ACSF3: variants seen among roughly 807,000 people sequenced by gnomAD.
ACSF3 encodes malonate--CoA ligase ACSF3, mitochondrial.
Under a neutral mutation model 53.2 loss-of-function variants are expected in ACSF3, and 78 were observed. That is an observed-to-expected ratio of 1.47 (90% CI 1.22 to 1.77). The LOEUF (loss-of-function observed/expected upper bound fraction) is 1.77. Among genes scored for constraint, ACSF3 ranks in the 40% most tolerant of loss-of-function variants. ACSF3 has a pLI of 0.00. For synonymous variants in ACSF3, 414 were observed against 333.1 expected (o/e 1.24, Z -2.65); for missense variants, 937 against 771.1 (o/e 1.22, Z -2.55).
chr16:89,154,966 G>T lies in ACSF3; in HGVS notation c.*759G>T, dbSNP rs1049721033. The T allele has an allele frequency of 2.2e-6, 1 of 453,700 alleles. No homozygotes were observed. The highest frequency in any genetic ancestry group is 2.0e-5 in the African/African-American group (1 of 49,894). 28.1% of individuals were successfully genotyped at this position (453,700 alleles called of 1,614,324 possible). A position where few individuals can be genotyped will look rare whatever the true frequency, so the allele number is the denominator to read the frequency against. Reference sequence around the variant, plus strand: ...CCGGTGAACCCTCTCTCCCATCACCGTCTCCACCCAGACCCCCACCTGCCC... The same window carrying T: ...CCGGTGAACCCTCTCTCCCATCACCTTCTCCACCCAGACCCCCACCTGCCC... On this transcript the variant is annotated 3_prime_UTR_variant, in exon 11 of 11. Coordinates refer to ENST00000614302, the MANE Select transcript of ACSF3 (RefSeq NM_001243279.3).
intron 10 of ACSF3, chr16:89,151,062 A>G: frequency 1.6e-6 from 2 of 1,288,728 alleles, no homozygotes; most frequent in Non-Finnish European, 2.0e-6. Context: ...GAGAGAAAAC[A>G]GCATTCTAAA....
intron 8 of ACSF3, among the ~76,000 whole-genome samples, chr16:89,136,231 G>A (rs1043181941): frequency 6.6e-6 from 1 of 152,242 alleles, no homozygotes; most frequent in Non-Finnish European, 1.5e-5. Flanking sequence ...GGAAACACTC[G>A]CAGTCGCCAG....
At chr16:89,117,703 G>T (rs1487103287) in intron 6 of ACSF3, among the ~76,000 whole-genome samples, 7 of 152,000 alleles carry the variant, frequency 4.6e-5, no homozygotes, top group African/African-American at 1.7e-4. Context: ...GCAGATAGTA[G>T]CCCAGAGACC....
At chr16:89,135,020 C>T (rs912827712) in intron 8 of ACSF3, among the ~76,000 whole-genome samples, 13 of 150,214 alleles carry the variant, frequency 8.7e-5, no homozygotes, top group Non-Finnish European at 7.4e-5. Context: ...AAGATGTGCA[C>T]GTTGCTCCTG....
At chr16:89,136,440 C>T in intron 8 of ACSF3, 1 of 1,104,242 alleles carries the variant, frequency 9.1e-7, no homozygotes, top group Non-Finnish European at 1.2e-6. Context: ...ATTAGCGATG[C>T]TGCTGCATAA....
chr16:89,128,941 C>G (rs1422242914), intron 7 of ACSF3, among the ~76,000 whole-genome samples: 3 of 150,166 alleles, frequency 2.0e-5, no homozygotes, highest in Non-Finnish European at 4.4e-5. Context: ...GCCTGAGCAA[C>G]ATAGTGAGAC....
rs1597282335 is a variant in ACSF3 at position 89,154,238 on chromosome 16, G to A, written c.*31G>A. 1.9e-6 allele frequency: 3 copies of A among 1,599,668 alleles called. No individual in the cohort carries two copies. Among genetic ancestry groups the A allele is most frequent in the East Asian group, 2.2e-5 (1 of 44,764 alleles). On this transcript the variant is annotated 3_prime_UTR_variant, in exon 11 of 11. Transcript: ENST00000614302. ...CAGACTGGGACTGCGGGTCTGGTGG[G>A]GAGCAGCAGACGTCCCCTTCACACC...
chr16:89,152,175 T>G (rs986409143), intron 10 of ACSF3: 5 of 152,258 alleles, frequency 3.3e-5, no homozygotes, highest in African/African-American at 1.2e-4. Flanking sequence ...GTTTGTCCCC[T>G]GTTAGAAACC....
At position 89,112,212 on chromosome 16, in the gene ACSF3, G is replaced by T; in HGVS notation, c.943G>T (p.Asp315Tyr). 6.2e-7 allele frequency: 1 copy of T among 1,614,208 alleles called. No individual in the cohort carries two copies. ...GCATTTTACCCAGCCGCACGCCCAG[G>T]ATTTCTTGCGTGCAGTTTGTGAAGA... ...DRHFTQPHAQ[D>Y]FLRAVCEEKI... Residue 315 changes from aspartate to tyrosine, a missense_variant, in exon 5 of 11, where the codon GAT becomes TAT. Coordinates refer to ENST00000614302, the MANE Select transcript of ACSF3 (RefSeq NM_001243279.3).
intron 9 of ACSF3, 76 bp downstream of exon 9, chr16:89,145,477 C>G: frequency 6.4e-7 from 1 of 1,564,808 alleles, no homozygotes; most frequent in Non-Finnish European, 8.7e-7. Flanking sequence ...TAGACGACTG[C>G]AGATGAGTCG....
At chr16:89,118,794 C>G (rs1019154839) in intron 6 of ACSF3, among the ~76,000 whole-genome samples, 3 of 152,104 alleles carry the variant, frequency 2.0e-5, no homozygotes, top group African/African-American at 7.3e-5. Flanking sequence ...GTCCCAGTCC[C>G]CAGTCAGAGT....
chr16:89,146,120 G>A, intron 10 of ACSF3, 71 bp downstream of exon 10: 2 of 1,121,168 alleles, frequency 1.8e-6, no homozygotes, highest in Middle Eastern at 2.4e-4. Context: ...GCCACCCTAG[G>A]TATTGGCATC....
At chr16:89,146,271 G>A (rs995030823) in intron 10 of ACSF3, among the ~76,000 whole-genome samples, 3 of 152,158 alleles carry the variant, frequency 2.0e-5, no homozygotes, top group Admixed American at 6.5e-5. Context: ...GCAATATTCC[G>A]AGGGGGCAGA....
intron 1 of ACSF3, among the ~76,000 whole-genome samples, chr16:89,094,708 C>T (rs1974406632): frequency 6.6e-6 from 1 of 152,122 alleles, no homozygotes. Context: ...GCCTGGGCAA[C>T]ATGGTGAGAC....
chr16:89,111,175 T>A lies in ACSF3; in HGVS notation c.823-917T>A, dbSNP rs547177749. ...TCGGACGTTTGGATTTCCTGAGACT[T>A]CTTCCCTTCAGTTGGGGATCACATC... On this transcript the variant is annotated intron_variant, in intron 4 of 10. Coordinates refer to ENST00000614302, the MANE Select transcript of ACSF3 (RefSeq NM_001243279.3). 2.6e-5 allele frequency among the ~76,000 whole-genome samples: 4 copies of A among 152,394 alleles called. No individual in the cohort carries two copies. In the South Asian group the frequency reaches 8.3e-4, roughly 32 times the overall value.
chr16:89,110,354 C>T (rs761133690), intron 4 of ACSF3, among the ~76,000 whole-genome samples: 3 of 152,148 alleles, frequency 2.0e-5, no homozygotes, highest in East Asian at 1.9e-4. Context: ...CTAGGAGTCA[C>T]CTTCTGCATG....
chr16:89,114,085 G>A, intron 5 of ACSF3: 1 of 555,396 alleles, frequency 1.8e-6, no homozygotes, highest in Non-Finnish European at 3.3e-6. Flanking sequence ...CTCATTAGCT[G>A]TTGGACCTGC....
rs369499144 is a variant in ACSF3, at chr16:89,100,827, G to C, written c.146G>C (p.Arg49Pro). The change falls in exon 3 of 11, where the codon CGT becomes CCT. Residue 49 changes from arginine to proline, a missense_variant. Physicochemically the swap from Arg to Pro is moderately radical, Grantham distance 103. Coordinates refer to ENST00000614302, the MANE Select transcript of ACSF3 (RefSeq NM_001243279.3). ...GACAGGAGCGCCCCGGTGTTCACCCGTGCCCTGGCCTTTGGGGACAGAATC... is the reference window on the plus strand; with the variant it reads ...GACAGGAGCGCCCCGGTGTTCACCCCTGCCCTGGCCTTTGGGGACAGAATC... ...RSDRSAPVFT[R>P]ALAFGDRIAL... The C allele has an allele frequency of 3.1e-6, 5 of 1,613,140 alleles. No individual in the cohort carries two copies. The highest frequency in any genetic ancestry group is 4.2e-6 in the Non-Finnish European group (5 of 1,180,030).
In ACSF3 at chr16:89,156,005, G is replaced by C. The variant is rs560901663; in HGVS notation, c.*1798G>C. Among the ~76,000 whole-genome samples the C allele has an allele frequency of 6.6e-6, 1 of 152,310 alleles. No homozygotes were observed. Among genetic ancestry groups the C allele is most frequent in the South Asian group, 2.1e-4 (1 of 4,822 alleles). Reference sequence around the variant, plus strand: ...AAGCCTGGAGCTCGTTGACCAGCCGGTTGACCAGAATACGGTGCTCCAAGG... The same window carrying C: ...AAGCCTGGAGCTCGTTGACCAGCCGCTTGACCAGAATACGGTGCTCCAAGG... On this transcript the variant is annotated 3_prime_UTR_variant, in exon 11 of 11. Transcript: ENST00000614302.
Sources: gnomAD v4.1 joint callset for allele counts (sites outside exome capture counted in the v4.1 genomes callset) on GRCh38, gnomAD v4.1.1 for gene constraint, MANE v1.5 for transcripts, NCBI Gene and HGNC (gene_info 2026-07-23, HGNC 2026-07-21) for gene names.